KIT: variants seen among roughly 807,000 people sequenced by gnomAD.
The protein encoded by KIT is mast/stem cell growth factor receptor Kit.
KIT carries 16 observed loss-of-function variants against 105.7 expected under a neutral mutation model. The observed-to-expected ratio is 0.15, with a 90% CI of 0.10 to 0.23. The LOEUF (loss-of-function observed/expected upper bound fraction) is 0.23. Ranked by LOEUF, KIT falls within the 10% of genes least tolerant of loss-of-function variation. The pLI, the probability that KIT is intolerant of heterozygous loss-of-function variation, is 1.00. For missense variants in KIT, 858 were observed against 1,213.8 expected (o/e 0.71, Z 4.36); for synonymous variants, 438 against 441.1 (o/e 0.99, Z 0.09).
chr4:54,691,285 C>G (rs1205535551), intron 1 of KIT, among the ~76,000 whole-genome samples: 1 of 152,128 alleles, frequency 6.6e-6, no homozygotes, highest in Non-Finnish European at 1.5e-5. Flanking sequence ...TCCTTACCTG[C>G]AGGATCTAAG....
rs1722187399 is a variant in KIT, at chr4:54,725,909, C to T, written c.1399C>T (p.Pro467Ser). The T allele has an allele frequency of 3.7e-6, 6 of 1,614,088 alleles. No homozygotes were observed. Among genetic ancestry groups the T allele is most frequent in the East Asian group, 2.2e-5 (1 of 44,874 alleles). ...TGTGCAGACACTAAACTCATCTGGG[C>T]CACCGTTTGGAAAGCTAGTGGTTCA... Reference protein sequence around the residue: ...VDVQTLNSSGPPFGKLVVQSS... With the variant: ...VDVQTLNSSGSPFGKLVVQSS... The change falls in exon 9 of 21, where the codon CCA (proline) becomes TCA (serine). Residue 467 changes from proline to serine, a missense_variant. Pro to Ser is a moderately conservative substitution (Grantham distance 74, BLOSUM62 -1). Transcript: ENST00000288135.
At chr4:54,660,221 G>A (rs369014763) in intron 1 of KIT, among the ~76,000 whole-genome samples, 3 of 152,300 alleles carry the variant, frequency 2.0e-5, no homozygotes, top group Non-Finnish European at 4.4e-5. Flanking sequence ...CTGAAGCAAG[G>A]AGCTGTGGCT....
At chr4:54,706,137 C>T (rs1025765493) in intron 5 of KIT, among the ~76,000 whole-genome samples, 1 of 151,752 alleles carries the variant, frequency 6.6e-6, no homozygotes, top group Non-Finnish European at 1.5e-5. Context: ...GTGTAAATAG[C>T]ACTTTTGTTT....
At chr4:54,721,203 G>A (rs192432426) in intron 7 of KIT, among the ~76,000 whole-genome samples, 1 of 152,328 alleles carries the variant, frequency 6.6e-6, no homozygotes, top group African/African-American at 2.4e-5. Flanking sequence ...CCAGCGTCAG[G>A]TGTTCTTAAA....
chr4:54,663,214 A>C (rs1033613604), intron 1 of KIT, among the ~76,000 whole-genome samples: 2 of 152,228 alleles, frequency 1.3e-5, no homozygotes, highest in Non-Finnish European at 2.9e-5. Flanking sequence ...GCATCAGTTA[A>C]TTACGAGCTT....
intron 15 of KIT, 89 bp downstream of exon 15, chr4:54,731,508 G>A (rs940905328): frequency 1.1e-5 from 10 of 935,584 alleles, no homozygotes; most frequent in East Asian, 2.4e-5. Context: ...ATTCCCAGTA[G>A]CAATGATGCA....
Position 54,738,643 on chromosome 4 carries a change from A to G in KIT, c.*86A>G. 1 of 1,536,842 alleles carries G rather than the reference A, an allele frequency of 6.5e-7. No individual in the cohort carries two copies. Among genetic ancestry groups the G allele is most frequent in the Non-Finnish European group, 8.9e-7 (1 of 1,122,160 alleles). On this transcript the variant is annotated 3_prime_UTR_variant, in exon 21 of 21. Coordinates refer to ENST00000288135, the MANE Select transcript of KIT (RefSeq NM_000222.3). The stretch of plus-strand genomic sequence containing the variant: ...GTTATTTTCTTTTCTTTCAACTTGC[A>G]TCCAACTCCAGGATAGTGGGCACCC...
intron 1 of KIT, among the ~76,000 whole-genome samples, chr4:54,664,067 A>G (rs1717500085): frequency 6.6e-6 from 1 of 152,178 alleles, no homozygotes; most frequent in South Asian, 2.1e-4. Flanking sequence ...AGATGAGCTT[A>G]AATCTTGATG....
chr4:54,685,641 A>G (rs900069608), intron 1 of KIT, among the ~76,000 whole-genome samples: 4 of 152,090 alleles, frequency 2.6e-5, no homozygotes, highest in East Asian at 3.9e-4. Flanking sequence ...CCCCCTTACC[A>G]TGACGGAGGA....
intron 1 of KIT, among the ~76,000 whole-genome samples, chr4:54,686,788 G>T (rs1350562142): frequency 6.6e-6 from 1 of 152,154 alleles, no homozygotes; most frequent in Non-Finnish European, 1.5e-5. Context: ...CAAGTGATCT[G>T]CCTGCCTCGG....
chr4:54,682,943 G>C (rs1719053810), intron 1 of KIT, among the ~76,000 whole-genome samples: 2 of 151,712 alleles, frequency 1.3e-5, no homozygotes, highest in South Asian at 4.2e-4. Flanking sequence ...GTAGAGACGG[G>C]GTTTCACCAT....
intron 1 of KIT, among the ~76,000 whole-genome samples, chr4:54,666,387 C>A (rs1044165024): frequency 6.6e-6 from 1 of 152,166 alleles, no homozygotes; most frequent in Non-Finnish European, 1.5e-5. Flanking sequence ...TCAAGTGATT[C>A]TCCTGCCTCA....
At chr4:54,711,148 T>C (rs1721137227) in intron 7 of KIT, among the ~76,000 whole-genome samples, 1 of 152,158 alleles carries the variant, frequency 6.6e-6, no homozygotes, top group African/African-American at 2.4e-5. Flanking sequence ...CCCAAAGCAC[T>C]GGGATTACAG....
intron 7 of KIT, among the ~76,000 whole-genome samples, chr4:54,720,535 G>A (rs910080888): frequency 3.9e-5 from 6 of 152,162 alleles, no homozygotes; most frequent in African/African-American, 9.7e-5. Context: ...ATTAAACAAT[G>A]TTTTATAGGT....
intron 7 of KIT, among the ~76,000 whole-genome samples, chr4:54,723,020 C>T (rs1028090886): frequency 1.3e-5 from 2 of 151,750 alleles, no homozygotes; most frequent in African/African-American, 4.8e-5. Flanking sequence ...GTATTTTACT[C>T]TTTATGTTCT....
intron 3 of KIT, 27 bp from the exon 4 acceptor site, chr4:54,699,603 G>C (rs1338999781): frequency 6.2e-7 from 1 of 1,613,268 alleles, no homozygotes; most frequent in African/African-American, 1.3e-5. Context: ...CAAATTATTT[G>C]AGGGGCCACA....
chr4:54,663,170 A>G (rs1157011989), intron 1 of KIT, among the ~76,000 whole-genome samples: 2 of 152,206 alleles, frequency 1.3e-5, no homozygotes, highest in African/African-American at 4.8e-5. Context: ...TGCAAAATTT[A>G]AGGTTTAAGC....
rs780947481 is a variant in KIT at position 54,733,218 on chromosome 4, G to C, written c.2484+26G>C. On this transcript the variant is annotated intron_variant, in intron 17 of 20. Transcript: ENST00000288135. ...GTGAGTACCCATTCTCTGCTTGACA[G>C]TCCTGCAAAGGATTTTTAGTTTCAA... 3.1e-6 allele frequency: 5 copies of C among 1,609,044 alleles called. No individual in the cohort carries two copies. The South Asian group carries it at 4.4e-5, about 14-fold the overall frequency.
intron 4 of KIT, among the ~76,000 whole-genome samples, chr4:54,701,135 G>T (rs918449556): frequency 3.3e-5 from 5 of 152,122 alleles, no homozygotes; most frequent in African/African-American, 9.7e-5. Context: ...TTTTTCCCAG[G>T]AGCCCTGCAT....
Sources: gnomAD v4.1 joint callset for allele counts (sites outside exome capture counted in the v4.1 genomes callset) on GRCh38, gnomAD v4.1.1 for gene constraint, MANE v1.5 for transcripts, NCBI Gene and HGNC (gene_info 2026-07-23, HGNC 2026-07-21) for gene names.